Variants in EVA1A observed in about 807,000 individuals in gnomAD.
EVA1A encodes the protein eva-1 homolog A, regulator of programmed cell death.
EVA1A carries 7 observed loss-of-function variants against 9.8 expected under a neutral mutation model. The ratio of observed to expected loss-of-function variants is 0.71; its 90% CI spans 0.41 to 1.34. The LOEUF (loss-of-function observed/expected upper bound fraction) is 1.34, where lower values mean the gene tolerates loss of function less well. Ranked by LOEUF, EVA1A falls within the 40% of genes most tolerant of loss-of-function variation. The probability of loss-of-function intolerance (pLI) is 0.01; values close to 1 mark genes in which losing one functional copy is unlikely to be tolerated. For missense variants in EVA1A, 206 were observed against 205.9 expected (o/e 1.00, Z 0.00); for synonymous variants, 90 against 85.6 (o/e 1.05, Z -0.28).
At chr2:75,549,369 A>C (rs1676450145) in intron 1 of EVA1A, among the ~76,000 whole-genome samples, 3 of 152,166 alleles carry the variant, frequency 2.0e-5, no homozygotes, top group African/African-American at 7.2e-5. Context: ...CTGGGGAAGC[A>C]CTTCCACCAC....
chr2:75,493,154 G>T lies in EVA1A; in HGVS notation c.*82C>A. 6.6e-7 allele frequency: 1 copy of T among 1,508,272 alleles called. No individual in the cohort carries two copies. Among genetic ancestry groups the T allele is most frequent in the Non-Finnish European group, 8.9e-7 (1 of 1,123,102 alleles). The allele number at this position is 1,508,272 out of a possible 1,614,324, so 93.4% of individuals were successfully genotyped here. ...GAAATCACAATATTAGCAGAGCTGG[G>T]TTCAGTTCCTTGTGCCCACTGTCCC... On this transcript the variant is annotated 3_prime_UTR_variant, in exon 4 of 4. Transcript: ENST00000393913.
At chr2:75,536,602 A>G (rs1675909019) in intron 1 of EVA1A, among the ~76,000 whole-genome samples, 1 of 152,216 alleles carries the variant, frequency 6.6e-6, no homozygotes, top group African/African-American at 2.4e-5. Flanking sequence ...TACCAATATC[A>G]GAAACAAAAC....
At chr2:75,559,168 T>TGGGGGA (rs1236751884) in intron 1 of EVA1A, among the ~76,000 whole-genome samples, 1 of 151,758 alleles carries the variant, frequency 6.6e-6, no homozygotes, top group Admixed American at 6.6e-5. Context: ...GGAAGCGGAG[T>TGGGGGA]GGGGGAGGGG....
chr2:75,568,402 A>G (rs1472682015), intron 1 of EVA1A, among the ~76,000 whole-genome samples: 1 of 150,774 alleles, frequency 6.6e-6, no homozygotes, highest in African/African-American at 2.4e-5. Flanking sequence ...TAATAAATAA[A>G]TAATTATTAA....
intron 1 of EVA1A, among the ~76,000 whole-genome samples, chr2:75,539,913 C>T (rs1448125690): frequency 6.6e-6 from 1 of 152,120 alleles, no homozygotes; most frequent in Non-Finnish European, 1.5e-5. Context: ...GCCCAGGAGC[C>T]AGAGTCACCA....
upstream of EVA1A, among the ~76,000 whole-genome samples, chr2:75,565,160 C>T (rs937856975): frequency 4.6e-5 from 7 of 152,220 alleles, no homozygotes; most frequent in Admixed American, 2.0e-4. Context: ...AGAGAACTGT[C>T]CTAGACACCA....
At chr2:75,547,658 T>C (rs1212862039) in intron 1 of EVA1A, among the ~76,000 whole-genome samples, 1 of 152,136 alleles carries the variant, frequency 6.6e-6, no homozygotes, top group Non-Finnish European at 1.5e-5. Flanking sequence ...GTCCTGTCAT[T>C]TTCACTTTGG....
intron 1 of EVA1A, among the ~76,000 whole-genome samples, chr2:75,528,333 T>C (rs973051140): frequency 1.3e-5 from 2 of 152,188 alleles, no homozygotes; most frequent in Non-Finnish European, 2.9e-5. Flanking sequence ...GGGTGAGGCC[T>C]GAAAGCCCTG....
rs766586263 is a variant in EVA1A, at chr2:75,555,336, T to TCTCTCTCTCC, written c.-192+5343_-192+5344insGGAGAGAGAG. Among the ~76,000 whole-genome samples the TCTCTCTCTCC allele has an allele frequency of 1.6e-3, 164 of 102,594 alleles. 3 individuals carry two copies. The highest frequency in any genetic ancestry group is 0.011 in the East Asian group (45 of 3,920). The allele number at this position is 102,594 out of a possible 152,430, so 67.3% of individuals were successfully genotyped here. A position where few individuals can be genotyped will look rare whatever the true frequency, so the allele number is the denominator to read the frequency against. On this transcript the variant is annotated intron_variant, in intron 1 of 3. Coordinates refer to ENST00000393913, the MANE Select transcript of EVA1A (RefSeq NM_001135032.2). Reference sequence around the variant, plus strand: ...CTCTCTCTCTCTCTCTCTCTCTCTCTCCCCCATCTCCCCTTCTTTCCCTCT... The same window carrying TCTCTCTCTCC: ...CTCTCTCTCTCTCTCTCTCTCTCTCTCTCTCTCTCCCCCCCATCTCCCCTTCTTTCCCTCT...
chr2:75,565,366 A>G (rs1280585282), upstream of EVA1A, among the ~76,000 whole-genome samples: 1 of 152,212 alleles, frequency 6.6e-6, no homozygotes, highest in Non-Finnish European at 1.5e-5. Context: ...AATTCCAAAC[A>G]GTAAGGAGCT....
At chr2:75,533,903 C>T (rs1022857096) in intron 1 of EVA1A, among the ~76,000 whole-genome samples, 63 of 152,046 alleles carry the variant, frequency 4.1e-4, no homozygotes, top group Middle Eastern at 3.4e-3. Flanking sequence ...GCTCCGCCTC[C>T]CAGGTTCACG....
chr2:75,508,887 C>T (rs141848188), intron 3 of EVA1A, among the ~76,000 whole-genome samples: 48 of 152,196 alleles, frequency 3.2e-4, no homozygotes, highest in African/African-American at 8.7e-4. Flanking sequence ...ACTATCGGGG[C>T]GGGTTCCCAG....
At chr2:75,556,787 G>A (rs1186778313) in intron 1 of EVA1A, among the ~76,000 whole-genome samples, 1 of 152,154 alleles carries the variant, frequency 6.6e-6, no homozygotes, top group Non-Finnish European at 1.5e-5. Context: ...CTCATAAGGA[G>A]TGCACAAACT....
intron 3 of EVA1A, among the ~76,000 whole-genome samples, chr2:75,504,326 G>A (rs1006012090): frequency 2.0e-5 from 3 of 152,188 alleles, no homozygotes; most frequent in African/African-American, 4.8e-5. Context: ...CAGGAGAATC[G>A]TTTGAACCCA....
Position 75,493,118 on chromosome 2 carries a change from G to A in EVA1A, c.*118C>T. The stretch of plus-strand genomic sequence containing the variant: ...CCTGGCTAGAAAAGGGGCATGTCCT[G>A]CTTTTTCTCTGAAATCACAATATTA... On this transcript the variant is annotated 3_prime_UTR_variant, in exon 4 of 4. Transcript: ENST00000393913. The A allele has an allele frequency of 1.4e-6, 2 of 1,418,274 alleles. No homozygotes were observed. Among genetic ancestry groups the A allele is most frequent in the East Asian group, 2.3e-5 (1 of 43,346 alleles). The allele number at this position is 1,418,274 out of a possible 1,614,324, so 87.9% of individuals were successfully genotyped here.
At chr2:75,527,626 GA>G (rs1675497945) in intron 1 of EVA1A, among the ~76,000 whole-genome samples, 1 of 152,016 alleles carries the variant, frequency 6.6e-6, no homozygotes, top group Admixed American at 6.6e-5. Context: ...TAAACACCAT[GA>G]TTTTAAAAAT....
chr2:75,559,286 C>T (rs944655564), intron 1 of EVA1A, among the ~76,000 whole-genome samples: 1 of 152,170 alleles, frequency 6.6e-6, no homozygotes, highest in Non-Finnish European at 1.5e-5. Flanking sequence ...TGTCTCCAGA[C>T]ATTGCTGGAT....
intron 1 of EVA1A, among the ~76,000 whole-genome samples, chr2:75,531,827 T>C (rs1675661993): frequency 6.6e-6 from 1 of 152,116 alleles, no homozygotes; most frequent in South Asian, 2.1e-4. Flanking sequence ...GCTTGGGTGA[T>C]ACTTGCACCA....
chr2:75,514,597 T>C (rs1674938066), intron 3 of EVA1A, among the ~76,000 whole-genome samples: 1 of 152,106 alleles, frequency 6.6e-6, no homozygotes. Flanking sequence ...CCTACAAAAA[T>C]GTGGTTACCT....
Sources: allele counts gnomAD v4.1 joint callset (sites outside exome capture counted in the v4.1 genomes callset), GRCh38; gene constraint gnomAD v4.1.1; transcripts MANE v1.5; gene names NCBI Gene and HGNC (gene_info 2026-07-23, HGNC 2026-07-21).